TAFA4: variants seen among roughly 807,000 people sequenced by gnomAD.
TAFA4 encodes the protein chemokine-like protein TAFA-4.
In TAFA4, 20 loss-of-function variants were observed where a neutral mutation model predicts 21.1. That is an observed-to-expected ratio of 0.95 (90% confidence interval 0.67 to 1.38). The LOEUF is 1.38. Among genes scored for constraint, TAFA4 ranks in the 40% most tolerant of loss-of-function variants. TAFA4 has a pLI of 0.00. For missense variants in TAFA4, 211 were observed against 180.9 expected (o/e 1.17, Z -0.95); for synonymous variants, 71 against 67.4 (o/e 1.05, Z -0.26).
At chr3:68,923,479 C>G (rs1197402054) in intron 1 of TAFA4, among the ~76,000 whole-genome samples, 1 of 152,118 alleles carries the variant, frequency 6.6e-6, no homozygotes, top group Admixed American at 6.5e-5. Flanking sequence ...CTCATATTGT[C>G]TCAACCCACC....
intron 1 of TAFA4, among the ~76,000 whole-genome samples, chr3:68,928,905 G>A (rs899720350): frequency 6.6e-6 from 1 of 151,488 alleles, no homozygotes; most frequent in African/African-American, 2.4e-5. Flanking sequence ...TGATCTTCTA[G>A]AAAGGTGAAA....
At chr3:68,819,539 T>C (rs955986044) in intron 3 of TAFA4, among the ~76,000 whole-genome samples, 2 of 152,160 alleles carry the variant, frequency 1.3e-5, no homozygotes, top group Non-Finnish European at 2.9e-5. Flanking sequence ...ATGGATTGTA[T>C]TTGCAAAACA....
intron 1 of TAFA4, among the ~76,000 whole-genome samples, chr3:68,920,635 T>C (rs1348107014): frequency 1.4e-5 from 2 of 146,898 alleles, no homozygotes; most frequent in East Asian, 3.9e-4. Context: ...TTACTTTTTC[T>C]CTAATTTTTT....
chr3:68,923,655 T>G (rs2090080288), intron 1 of TAFA4, among the ~76,000 whole-genome samples: 2 of 152,116 alleles, frequency 1.3e-5, no homozygotes, highest in South Asian at 4.2e-4. Flanking sequence ...AAATACCAAT[T>G]TCACAATGAA....
At chr3:68,917,230 T>C (rs866807756) in intron 1 of TAFA4, among the ~76,000 whole-genome samples, 18 of 152,182 alleles carry the variant, frequency 1.2e-4, no homozygotes, top group Non-Finnish European at 2.4e-4. Context: ...GAAACACTGA[T>C]GTACTTCTCA....
chr3:68,788,719 T>C (rs770479834), intron 3 of TAFA4, among the ~76,000 whole-genome samples: 1 of 152,084 alleles, frequency 6.6e-6, no homozygotes, highest in Non-Finnish European at 1.5e-5. Flanking sequence ...TCAAGCCATG[T>C]TCCTAGTTCA....
intron 3 of TAFA4, among the ~76,000 whole-genome samples, chr3:68,766,278 A>T (rs1413346371): frequency 2.0e-5 from 3 of 152,168 alleles, no homozygotes; most frequent in African/African-American, 7.2e-5. Flanking sequence ...ACACATAAAC[A>T]CACATATATA....
At chr3:68,888,338 A>G (rs909971450) in intron 1 of TAFA4, among the ~76,000 whole-genome samples, 2 of 151,682 alleles carry the variant, frequency 1.3e-5, no homozygotes, top group Non-Finnish European at 2.9e-5. Flanking sequence ...TCTGATCACA[A>G]CCTCTTAAGT....
At chr3:68,805,027 T>C (rs1373099100) in intron 3 of TAFA4, among the ~76,000 whole-genome samples, 2 of 152,020 alleles carry the variant, frequency 1.3e-5, no homozygotes, top group East Asian at 1.9e-4. Context: ...ACCTACAAAA[T>C]GGGAGAAAAT....
chr3:68,765,535 AT>A (rs1702836704), intron 3 of TAFA4, among the ~76,000 whole-genome samples: 1 of 152,194 alleles, frequency 6.6e-6, no homozygotes, highest in African/African-American at 2.4e-5. Flanking sequence ...AAATATGAGA[AT>A]GCTACTCTCA....
chr3:68,881,963 A>G (rs949712212), intron 2 of TAFA4, among the ~76,000 whole-genome samples: 2 of 152,152 alleles, frequency 1.3e-5, no homozygotes, highest in African/African-American at 4.8e-5. Flanking sequence ...AGGCACACAC[A>G]TGTTCTGCTG....
chr3:68,904,924 T>A (rs2089884470), intron 1 of TAFA4, among the ~76,000 whole-genome samples: 1 of 152,198 alleles, frequency 6.6e-6, no homozygotes. Context: ...CTTGCAGCTG[T>A]GGCCAAAATC....
At chr3:68,899,551 C>T (rs1348184592) in intron 1 of TAFA4, among the ~76,000 whole-genome samples, 2 of 152,184 alleles carry the variant, frequency 1.3e-5, no homozygotes, top group Non-Finnish European at 2.9e-5. Context: ...ACATTTATAA[C>T]GCATTACAAC....
At chr3:68,854,389 T>A (rs1575642397) in intron 3 of TAFA4, among the ~76,000 whole-genome samples, 1 of 152,040 alleles carries the variant, frequency 6.6e-6, no homozygotes, top group African/African-American at 2.4e-5. Context: ...CTAAGGACTA[T>A]GGGAGCCACT....
chr3:68,734,537 T>A (rs1702205533), intron 5 of TAFA4, among the ~76,000 whole-genome samples: 1 of 152,028 alleles, frequency 6.6e-6, no homozygotes, highest in African/African-American at 2.4e-5. Flanking sequence ...AGATGAGGAA[T>A]GCATGGCAAG....
intron 3 of TAFA4, among the ~76,000 whole-genome samples, chr3:68,819,980 A>C (rs919558798): frequency 6.6e-6 from 1 of 152,206 alleles, no homozygotes; most frequent in Non-Finnish European, 1.5e-5. Context: ...AGATACCTGT[A>C]CTCCCACATT....
chr3:68,749,938 C>A (rs954228158), intron 4 of TAFA4, among the ~76,000 whole-genome samples: 1 of 152,198 alleles, frequency 6.6e-6, no homozygotes, highest in Non-Finnish European at 1.5e-5. Context: ...AGATATCTAT[C>A]TACACAGGTT....
intron 3 of TAFA4, among the ~76,000 whole-genome samples, chr3:68,763,879 C>CACACACACACACACACAG (rs1440889401): frequency 5.9e-5 from 9 of 152,016 alleles, no homozygotes; most frequent in Middle Eastern, 3.4e-3. Flanking sequence ...TACACACACA[C>CACACACACACACACACAG]ACACACACAC....
At position 68,925,413 on chromosome 3, in the gene TAFA4, T is replaced by C. The variant is rs568518810; in HGVS notation, c.-123+6827A>G. ...CAAAGATTACTATTCCAGTGATTTG[T>C]TGCCCCCAACGATACATACAGAGAA... On this transcript the variant is annotated intron_variant, in intron 1 of 5. Coordinates refer to ENST00000295569, the MANE Select transcript of TAFA4 (RefSeq NM_182522.5). Among the ~76,000 whole-genome samples, 167 of 152,320 alleles carry C rather than the reference T, an allele frequency of 1.1e-3. 1 individual carries two copies. The highest frequency in any genetic ancestry group is 3.8e-3 in the African/African-American group (158 of 41,576).
Sources: gnomAD v4.1 joint callset for allele counts (sites outside exome capture counted in the v4.1 genomes callset) on GRCh38, gnomAD v4.1.1 for gene constraint, MANE v1.5 for transcripts, NCBI Gene and HGNC (gene_info 2026-07-23, HGNC 2026-07-21) for gene names.